SGPL1: variants seen among roughly 807,000 people sequenced by gnomAD.
SGPL1 encodes SP-lyase 1.
In SGPL1, 37 loss-of-function variants were observed where a neutral mutation model predicts 68.9. That is an observed-to-expected ratio of 0.54 (90% CI 0.41 to 0.71). The LOEUF (loss-of-function observed/expected upper bound fraction) is 0.71, where lower values mean the gene tolerates loss of function less well. Among genes scored for constraint, SGPL1 ranks in the 30% least tolerant of loss-of-function variants. The pLI is 0.00. For synonymous variants in SGPL1, 236 were observed against 248.5 expected (o/e 0.95, Z 0.47); for missense variants, 551 against 704.6 (o/e 0.78, Z 2.47).
intron 5 of SGPL1, 30 bp downstream of exon 5, chr10:70,854,885 A>G (rs771996429): frequency 3.0e-5 from 46 of 1,546,306 alleles, no homozygotes; most frequent in Middle Eastern, 1.7e-4. Context: ...CATGCTCTCT[A>G]CTTCCTTAAA....
In SGPL1 at chr10:70,816,739, C is replaced by T. The variant is rs1845238653; in HGVS notation, c.-43-72C>T. On this transcript the variant is annotated intron_variant, in intron 1 of 14. Coordinates refer to ENST00000373202, the MANE Select transcript of SGPL1 (RefSeq NM_003901.4). ...GGGAGAGAACCATAACTTGGCTGCTCTGGCGAATCTAGGCGGGCTGGCGAG... is the reference window on the plus strand; with the variant it reads ...GGGAGAGAACCATAACTTGGCTGCTTTGGCGAATCTAGGCGGGCTGGCGAG... 11 of 1,057,880 alleles carry T rather than the reference C, an allele frequency of 1.0e-5. No individual in the cohort carries two copies. In the Admixed American group the frequency reaches 1.4e-4, roughly 13 times the overall value. 65.5% of individuals were successfully genotyped at this position (1,057,880 alleles called of 1,614,324 possible). A position where few individuals can be genotyped will look rare whatever the true frequency, so the allele number is the denominator to read the frequency against.
rs1589475460 is a variant in SGPL1 at position 70,871,283 on chromosome 10, C to T, written c.909+137C>T. On this transcript the variant is annotated intron_variant, in intron 10 of 14. Transcript: ENST00000373202. ...TAGTGATAAGTAGCTCTCATCAGCCCTAGGGGAAGCCCTGCAGCTCAGTTG... is the reference window on the plus strand; with the variant it reads ...TAGTGATAAGTAGCTCTCATCAGCCTTAGGGGAAGCCCTGCAGCTCAGTTG... 7 of 576,694 alleles carry T rather than the reference C, an allele frequency of 1.2e-5. No homozygotes were observed. In the East Asian group the frequency reaches 1.8e-4, roughly 14 times the overall value. 35.7% of individuals were successfully genotyped at this position (576,694 alleles called of 1,614,324 possible).
chr10:70,852,402 A>G (rs974334726), intron 4 of SGPL1, among the ~76,000 whole-genome samples: 11 of 152,154 alleles, frequency 7.2e-5, no homozygotes, highest in African/African-American at 2.7e-4. Flanking sequence ...TCCAAATTAT[A>G]TTAATCCCTA....
At chr10:70,824,955 C>T (rs1203026501) in intron 2 of SGPL1, among the ~76,000 whole-genome samples, 1 of 132,352 alleles carries the variant, frequency 7.6e-6, no homozygotes, top group Non-Finnish European at 1.5e-5. Context: ...GTTATTCTGA[C>T]GTTGTTTTTT....
chr10:70,864,549 T>C (rs1328808802), intron 7 of SGPL1, among the ~76,000 whole-genome samples: 1 of 152,222 alleles, frequency 6.6e-6, no homozygotes, highest in Non-Finnish European at 1.5e-5. Context: ...TCTTTTTGTT[T>C]CATGGTCTAG....
intron 2 of SGPL1, among the ~76,000 whole-genome samples, chr10:70,826,224 A>AACAAT (rs111664400): frequency 0.056 from 8,497 of 152,224 alleles, 279 homozygotes; most frequent in Non-Finnish European, 0.064. Context: ...AACACAACAC[A>AACAAT]ACAATACAAT....
Position 70,876,535 on chromosome 10 carries a change from T to C in SGPL1, c.1446-6T>C. On this transcript the variant is annotated splice_polypyrimidine_tract_variant and splice_region_variant and intron_variant, in intron 13 of 14. Coordinates refer to ENST00000373202, the MANE Select transcript of SGPL1 (RefSeq NM_003901.4). ...GGTTCATCTCTCTCTGTCTCTTCTT[T>C]CCTAGTATTCATTTCTGCATCACAT... 1 of 1,608,204 alleles carries C rather than the reference T, an allele frequency of 6.2e-7. No homozygotes were observed. The highest frequency in any genetic ancestry group is 8.5e-7 in the Non-Finnish European group (1 of 1,178,162).
At position 70,859,401 on chromosome 10, in the gene SGPL1, C is replaced by T. The variant is rs1269559319; in HGVS notation, c.517C>T (p.Leu173=). 6.5e-7 allele frequency: 1 copy of T among 1,545,312 alleles called. No individual in the cohort carries two copies. The part of the protein sequence containing the change: ...AYGDFAWSNP[L]HPDIFPGLRK... ...TGGAGATTTTGCATGGAGTAACCCC[C>T]TGCATCCAGATATCTTCCCAGGACT... Residue 173 remains leucine (L), a synonymous_variant, in exon 7 of 15, where the codon CTG becomes TTG. Coordinates refer to ENST00000373202, the MANE Select transcript of SGPL1 (RefSeq NM_003901.4).
At chr10:70,845,121 T>C (rs1845771864) in intron 3 of SGPL1, among the ~76,000 whole-genome samples, 1 of 152,146 alleles carries the variant, frequency 6.6e-6, no homozygotes, top group African/African-American at 2.4e-5. Flanking sequence ...ACAGGACTCT[T>C]GTATAACTAA....
At position 70,854,746 on chromosome 10, in the gene SGPL1, C is replaced by T; in HGVS notation, c.300C>T (p.Ser100=). ...DKLNKTKDDI[S]KNMSFLKVDK... Reference sequence around the variant, plus strand: ...TGAACAAGACCAAGGATGATATTAGCAAGAACATGTCATTCCTGAAAGTGG... The same window carrying T: ...TGAACAAGACCAAGGATGATATTAGTAAGAACATGTCATTCCTGAAAGTGG... The change falls in exon 5 of 15, where the codon AGC becomes AGT. Residue 100 remains serine, a synonymous_variant. Transcript: ENST00000373202. 1 of 1,613,660 alleles carries T rather than the reference C, an allele frequency of 6.2e-7. No individual in the cohort carries two copies.
At chr10:70,835,118 C>T (rs1163179137) in intron 2 of SGPL1, among the ~76,000 whole-genome samples, 1 of 152,060 alleles carries the variant, frequency 6.6e-6, no homozygotes, top group African/African-American at 2.4e-5. Context: ...TAGGATCTTG[C>T]AAAACAAAAC....
intron 2 of SGPL1, among the ~76,000 whole-genome samples, chr10:70,819,278 A>G (rs752369116): frequency 3.3e-5 from 5 of 152,228 alleles, no homozygotes; most frequent in Admixed American, 6.5e-5. Flanking sequence ...TGTTGCTGTA[A>G]GGAATTAATC....
intron 2 of SGPL1, among the ~76,000 whole-genome samples, chr10:70,824,715 G>A (rs1271569100): frequency 6.6e-6 from 1 of 152,128 alleles, no homozygotes; most frequent in Non-Finnish European, 1.5e-5. Flanking sequence ...AGGCAGATAA[G>A]CATTTCAAAA....
chr10:70,857,747 C>G (rs1168869803), intron 6 of SGPL1, 57 bp downstream of exon 6: 1 of 1,069,680 alleles, frequency 9.3e-7, no homozygotes, highest in Non-Finnish European at 1.4e-6. Context: ...TACATGACCT[C>G]CTTTTTTTCC....
chr10:70,871,034 C>T lies in SGPL1; in HGVS notation c.811-14C>T. On this transcript the variant is annotated splice_polypyrimidine_tract_variant and intron_variant, in intron 9 of 14. Coordinates refer to ENST00000373202, the MANE Select transcript of SGPL1 (RefSeq NM_003901.4). ...ACATAGATTCTCATTTTCCTTTAAA[C>T]TTTAAATCCCTAGGCAATGAGAAGA... 1 of 1,603,278 alleles carries T rather than the reference C, an allele frequency of 6.2e-7. No homozygotes were observed. Among genetic ancestry groups the T allele is most frequent in the South Asian group, 1.1e-5 (1 of 90,880 alleles).
chr10:70,850,016 T>C (rs79553679), intron 3 of SGPL1, among the ~76,000 whole-genome samples: 8,511 of 152,264 alleles, frequency 0.056, 284 homozygotes, highest in Non-Finnish European at 0.064. Context: ...CAGAATGCTG[T>C]TGTCAGAGTC....
At chr10:70,835,735 C>CAAAAAAAA (rs66962270) in intron 2 of SGPL1, among the ~76,000 whole-genome samples, 5 of 70,130 alleles carry the variant, frequency 7.1e-5, no homozygotes, top group Admixed American at 1.6e-4. Flanking sequence ...GACTCCGTCT[C>CAAAAAAAA]AAAAAAAAAA....
rs1131692255 is a variant in SGPL1, at chr10:70,868,393, C to T, written c.664C>T (p.Arg222Trp). 3 of 1,613,668 alleles carry T rather than the reference C, an allele frequency of 1.9e-6. No homozygotes were observed. The highest frequency in any genetic ancestry group is 2.2e-5 in the East Asian group (1 of 44,838). ...CATACTGATGGCCTGCAAAGCATAT[C>T]GGGATCTGGCCTTTGAGAAGGGGAT... ...ESILMACKAY[R>W]DLAFEKGIKT... The change falls in exon 8 of 15, where the codon CGG (arginine) becomes TGG (tryptophan). Residue 222 changes from arginine to tryptophan, a missense_variant. Physicochemically the swap from Arg to Trp is moderately radical, Grantham distance 101. Coordinates refer to ENST00000373202, the MANE Select transcript of SGPL1 (RefSeq NM_003901.4).
chr10:70,876,701 T>C, intron 14 of SGPL1, 40 bp downstream of exon 14: 1 of 1,580,768 alleles, frequency 6.3e-7, no homozygotes. Context: ...CTTGGAAATT[T>C]AGGTGTTGGT....
Sources: gnomAD v4.1 joint callset for allele counts (sites outside exome capture counted in the v4.1 genomes callset) on GRCh38, gnomAD v4.1.1 for gene constraint, MANE v1.5 for transcripts, NCBI Gene and HGNC (gene_info 2026-07-23, HGNC 2026-07-21) for gene names.